Variants in OXSR1 observed in about 807,000 individuals in gnomAD.
OXSR1 encodes the protein serine/threonine-protein kinase OSR1.
In OXSR1, 24 loss-of-function variants were observed where a neutral mutation model predicts 79.8. The ratio of observed to expected loss-of-function variants is 0.30; its 90% CI spans 0.22 to 0.42. OXSR1 has a LOEUF of 0.42. Among genes scored for constraint, OXSR1 ranks in the 10% least tolerant of loss-of-function variants. The probability of loss-of-function intolerance (pLI) is 1.00; values close to 1 mark genes in which losing one functional copy is unlikely to be tolerated. For synonymous variants in OXSR1, 226 were observed against 209.2 expected, an observed-to-expected ratio of 1.08 and a Z score of -0.69; for missense variants, 430 against 618.4, an observed-to-expected ratio of 0.70 and a Z score of 3.23.
rs1262974894 is a variant in OXSR1, at chr3:38,165,840, C to G, written c.-37C>G. 5 of 1,580,434 alleles carry G rather than the reference C, an allele frequency of 3.2e-6. No individual in the cohort carries two copies. Among genetic ancestry groups the G allele is most frequent in the Non-Finnish European group, 4.3e-6 (5 of 1,158,732 alleles). On this transcript the variant is annotated 5_prime_UTR_variant, in exon 1 of 18. Transcript: ENST00000311806. ...GCGGCGAGGAGACGAGCGAGGTCAG[C>G]GAGTTTGAGGGAGGACCGCGAGCCG...
In OXSR1 at chr3:38,254,388, A is replaced by C. The variant is rs998903145; in HGVS notation, c.*1497A>C. On this transcript the variant is annotated 3_prime_UTR_variant, in exon 18 of 18. Coordinates refer to ENST00000311806, the MANE Select transcript of OXSR1 (RefSeq NM_005109.3). Reference sequence around the variant, plus strand: ...GTCATGGGCTTTCTTCACCTGCTCTAGGTGCAAAGGCATGTTGGGAAAGAG... The same window carrying C: ...GTCATGGGCTTTCTTCACCTGCTCTCGGTGCAAAGGCATGTTGGGAAAGAG... 2.5e-6 allele frequency: 1 copy of C among 393,356 alleles called. No individual in the cohort carries two copies. The highest frequency in any genetic ancestry group is 4.5e-6 in the Non-Finnish European group (1 of 223,196). The allele number at this position is 393,356 out of a possible 1,614,324, so 24.4% of individuals were successfully genotyped here.
At chr3:38,218,273 G>A (rs1702523146) in intron 5 of OXSR1, among the ~76,000 whole-genome samples, 2 of 151,700 alleles carry the variant, frequency 1.3e-5, no homozygotes, top group Non-Finnish European at 1.5e-5. Flanking sequence ...CCCACCAAGA[G>A]TGCACAAGAA....
intron 4 of OXSR1, among the ~76,000 whole-genome samples, chr3:38,212,877 T>C (rs988757934): frequency 6.6e-6 from 1 of 152,230 alleles, no homozygotes; most frequent in African/African-American, 2.4e-5. Context: ...AGATATTTAG[T>C]TACAAATCTT....
chr3:38,201,230 G>T (rs76514867), intron 4 of OXSR1, among the ~76,000 whole-genome samples: 1 of 152,078 alleles, frequency 6.6e-6, no homozygotes, highest in East Asian at 1.9e-4. Context: ...TTTTCTGCTG[G>T]TATCTTCCTG....
chr3:38,220,244 A>G (rs1702562756), intron 5 of OXSR1, among the ~76,000 whole-genome samples: 1 of 152,192 alleles, frequency 6.6e-6, no homozygotes, highest in African/African-American at 2.4e-5. Flanking sequence ...ATTGTTTGAA[A>G]ATGGCAGAAT....
chr3:38,234,852 G>A (rs1419862363), intron 10 of OXSR1, among the ~76,000 whole-genome samples: 1 of 152,228 alleles, frequency 6.6e-6, no homozygotes, highest in East Asian at 1.9e-4. Flanking sequence ...ATCAGCTGAT[G>A]ATTAGATTTA....
At chr3:38,228,932 A>C (rs781405350) in intron 8 of OXSR1, among the ~76,000 whole-genome samples, 5 of 152,176 alleles carry the variant, frequency 3.3e-5, no homozygotes, top group Admixed American at 6.5e-5. Context: ...TTAAGAACTT[A>C]GGGGCTTGGC....
chr3:38,223,254 C>T (rs1479535556), intron 6 of OXSR1, among the ~76,000 whole-genome samples: 4 of 151,972 alleles, frequency 2.6e-5, no homozygotes, highest in Non-Finnish European at 5.9e-5. Context: ...TCCCGAGCAG[C>T]TGGACTGTAG....
rs1357677117 is a variant in OXSR1, at chr3:38,165,860, G to T, written c.-17G>T. ...GTCAGCGAGTTTGAGGGAGGACCGC[G>T]AGCCGCTGCCGCCGTCATGTCCGAG... On this transcript the variant is annotated 5_prime_UTR_variant, in exon 1 of 18. Coordinates refer to ENST00000311806, the MANE Select transcript of OXSR1 (RefSeq NM_005109.3). 6.2e-7 allele frequency: 1 copy of T among 1,606,194 alleles called. No individual in the cohort carries two copies. The highest frequency in any genetic ancestry group is 1.7e-5 in the Admixed American group (1 of 59,260).
At chr3:38,175,508 C>T (rs1701660631) in intron 1 of OXSR1, among the ~76,000 whole-genome samples, 1 of 152,142 alleles carries the variant, frequency 6.6e-6, no homozygotes, top group African/African-American at 2.4e-5. Flanking sequence ...ACTGTGTTGG[C>T]CAGGCTGGTC....
At chr3:38,206,978 G>T (rs1702274718) in intron 4 of OXSR1, among the ~76,000 whole-genome samples, 2 of 152,202 alleles carry the variant, frequency 1.3e-5, no homozygotes, top group South Asian at 2.1e-4. Context: ...ATTAAATGAG[G>T]TAATATTTGC....
At chr3:38,221,276 A>G (rs1575350094) in intron 5 of OXSR1, among the ~76,000 whole-genome samples, 1 of 151,850 alleles carries the variant, frequency 6.6e-6, no homozygotes, top group East Asian at 1.9e-4. Flanking sequence ...CTGCTAAGCT[A>G]TGTCTTTTTT....
chr3:38,207,650 G>C (rs1702293040), intron 4 of OXSR1, among the ~76,000 whole-genome samples: 1 of 152,098 alleles, frequency 6.6e-6, no homozygotes, highest in East Asian at 1.9e-4. Context: ...CCTTACAACA[G>C]AATTACCCAG....
At chr3:38,201,554 C>T (rs745513136) in intron 4 of OXSR1, among the ~76,000 whole-genome samples, 2 of 152,040 alleles carry the variant, frequency 1.3e-5, no homozygotes, top group African/African-American at 4.8e-5. Context: ...ACTAAAAATA[C>T]AAAAAATTAG....
intron 9 of OXSR1, 113 bp from the exon 10 acceptor site, chr3:38,230,252 C>T (rs934371929): frequency 1.4e-5 from 10 of 715,482 alleles, no homozygotes; most frequent in Non-Finnish European, 2.5e-5. Flanking sequence ...TTTTCTCACA[C>T]TTCATTACAG....
In OXSR1 at chr3:38,246,198, G is replaced by T. The variant is rs113919536; in HGVS notation, c.1234G>T (p.Ala412Ser). ...AACTCAAGTCTCTCTCCCACCCACC[G>T]CAGAGCCAGCAAAAACAGCTCAGGT... ...QPTQVSLPPT[A>S]EPAKTAQALS... The change falls in exon 13 of 18, where the codon GCA becomes TCA. Residue 412 changes from alanine to serine, a missense_variant. Physicochemically the swap from Ala to Ser is moderately conservative, Grantham distance 99. Coordinates refer to ENST00000311806, the MANE Select transcript of OXSR1 (RefSeq NM_005109.3). The T allele has an allele frequency of 6.2e-7, 1 of 1,613,628 alleles. No individual in the cohort carries two copies. The highest frequency in any genetic ancestry group is 2.2e-5 in the East Asian group (1 of 44,864).
Position 38,246,531 on chromosome 3 carries a change from A to G in OXSR1, c.1257+310A>G, listed in dbSNP as rs1386869606. On this transcript the variant is annotated intron_variant, in intron 13 of 17. Transcript: ENST00000311806. Reference sequence around the variant, plus strand: ...TTCAGAATGCAGCTCATGAAGTTCAACAGAGACTAGGAGAATCGATGGCTG... The same window carrying G: ...TTCAGAATGCAGCTCATGAAGTTCAGCAGAGACTAGGAGAATCGATGGCTG... 3.9e-5 allele frequency among the ~76,000 whole-genome samples: 6 copies of G among 152,218 alleles called. No homozygotes were observed. In the South Asian group the frequency reaches 6.2e-4, roughly 16 times the overall value.
chr3:38,226,313 G>A (rs1207117691), intron 8 of OXSR1, among the ~76,000 whole-genome samples: 2 of 151,956 alleles, frequency 1.3e-5, no homozygotes, highest in African/African-American at 4.8e-5. Context: ...GTGAAAATCT[G>A]AAAAGATACA....
rs1272004825 is a variant in OXSR1, at chr3:38,227,184, C to A, written c.836+2480C>A. On this transcript the variant is annotated intron_variant, in intron 8 of 17. Transcript: ENST00000311806. The stretch of plus-strand genomic sequence containing the variant: ...TGGTTAAACAGAACAACCAATAAAA[C>A]AAAAAAGAGATTATTTACTCATCAA... 2.0e-5 allele frequency among the ~76,000 whole-genome samples: 3 copies of A among 151,974 alleles called. No homozygotes were observed. The East Asian group carries it at 5.8e-4, about 29-fold the overall frequency.
Sources: gnomAD v4.1 joint callset for allele counts (sites outside exome capture counted in the v4.1 genomes callset) on GRCh38, gnomAD v4.1.1 for gene constraint, MANE v1.5 for transcripts, NCBI Gene and HGNC (gene_info 2026-07-23, HGNC 2026-07-21) for gene names.